Variants in SASH1 observed in about 807,000 individuals in gnomAD.
SASH1 encodes SAM and SH3 domain containing 1, also known as SAM and SH3 domain-containing protein 1.
Under a neutral mutation model 125.2 loss-of-function variants are expected in SASH1, and 44 were observed. The observed-to-expected ratio is 0.35, with a 90% CI of 0.28 to 0.45. SASH1 has a LOEUF of 0.45. SASH1 is among the 20% of genes least tolerant of loss of function. The probability of loss-of-function intolerance (pLI) is 1.00; values close to 1 mark genes in which losing one functional copy is unlikely to be tolerated. For missense variants in SASH1, 1,426 were observed against 1,614.5 expected, an observed-to-expected ratio of 0.88 and a Z score of 2.00; for synonymous variants, 639 against 649.1, an observed-to-expected ratio of 0.98 and a Z score of 0.24.
At chr6:148,419,850 C>T (rs1784982137) in intron 2 of SASH1, among the ~76,000 whole-genome samples, 1 of 152,092 alleles carries the variant, frequency 6.6e-6, no homozygotes. Flanking sequence ...AATTAACACC[C>T]TGGTGGTATT....
intron 5 of SASH1, 23 bp from the exon 6 acceptor site, chr6:148,471,386 CTTTTTTTT>C (rs35487674): frequency 3.9e-4 from 195 of 503,302 alleles, no homozygotes; most frequent in African/African-American, 8.4e-4. Context: ...GCTTTTTGTT[CTTTTTTTT>C]TTTTTTTTTT....
chr6:148,438,859 C>G (rs1231807658), intron 2 of SASH1, among the ~76,000 whole-genome samples: 1 of 152,080 alleles, frequency 6.6e-6, no homozygotes, highest in Non-Finnish European at 1.5e-5. Flanking sequence ...GCAACAGATT[C>G]CCAGAACACT....
At chr6:148,366,146 A>G (rs1031636036) in intron 1 of SASH1, among the ~76,000 whole-genome samples, 2 of 151,950 alleles carry the variant, frequency 1.3e-5, no homozygotes, top group Non-Finnish European at 1.5e-5. Flanking sequence ...TTAGCCAGGC[A>G]TGGTAGCGCT....
chr6:148,412,915 G>A (rs914315005), intron 2 of SASH1, among the ~76,000 whole-genome samples: 25 of 152,324 alleles, frequency 1.6e-4, no homozygotes, highest in African/African-American at 5.8e-4. Context: ...GCAGCTCAGT[G>A]TATCAGAATA....
chr6:148,250,859 T>G, the SASH1 span, among the ~76,000 whole-genome samples: 1 of 152,160 alleles, frequency 6.6e-6, no homozygotes, highest in Non-Finnish European at 1.5e-5. Flanking sequence ...AAAGCTAAAA[T>G]TTTAAAAAGA....
At chr6:148,373,743 G>A (rs938518828) in intron 1 of SASH1, among the ~76,000 whole-genome samples, 41 of 152,170 alleles carry the variant, frequency 2.7e-4, no homozygotes, top group African/African-American at 9.4e-4. Context: ...GCCAAGGTGG[G>A]GGGGATCACT....
chr6:148,544,317 G>C lies in SASH1; in HGVS notation c.2847G>C (p.Glu949Asp). The C allele has an allele frequency of 6.2e-7, 1 of 1,614,170 alleles. No individual in the cohort carries two copies. The highest frequency in any genetic ancestry group is 1.7e-5 in the Admixed American group (1 of 60,028). Residue 949 changes from glutamate to aspartate, a missense_variant, in exon 18 of 20, where the codon GAG becomes GAC. Transcript: ENST00000367467. This position sits in a 1 kb window ranked among gnomAD's most constrained non-coding sequence, Gnocchi z 6.4. The part of the protein sequence containing the change: ...AKHGLARTPL[E>D]GHRKGHEFEG... ...ACGGTTTAGCAAGGACGCCTCTGGAGGGCCACAGAAAAGGACACGAGTTTG... is the reference window on the plus strand; with the variant it reads ...ACGGTTTAGCAAGGACGCCTCTGGACGGCCACAGAAAAGGACACGAGTTTG...
the SASH1 span, among the ~76,000 whole-genome samples, chr6:148,209,808 C>G: frequency 1.3e-5 from 2 of 152,178 alleles, no homozygotes; most frequent in Admixed American, 6.5e-5. Flanking sequence ...CCTCTCTGAT[C>G]TTTCCCCTGT....
intron 19 of SASH1, among the ~76,000 whole-genome samples, chr6:148,546,676 A>G (rs1044214391): frequency 3.3e-5 from 5 of 152,228 alleles, no homozygotes; most frequent in African/African-American, 1.2e-4. Flanking sequence ...GAGGTAATGC[A>G]TATGTCAAAT....
chr6:148,272,574 C>G (rs950872304), intron 1 of SASH1, among the ~76,000 whole-genome samples: 1 of 152,066 alleles, frequency 6.6e-6, no homozygotes, highest in Non-Finnish European at 1.5e-5. Flanking sequence ...ATTCCTTCAC[C>G]GGGCTTTGCC....
Position 148,374,707 on chromosome 6 carries a change from G to T in SASH1, c.157-15427G>T, listed in dbSNP as rs375994665. 9.9e-5 allele frequency among the ~76,000 whole-genome samples: 15 copies of T among 150,974 alleles called. 1 individual carries two copies. The highest frequency in any genetic ancestry group is 7.9e-4 in the East Asian group (4 of 5,054). On this transcript the variant is annotated intron_variant, in intron 1 of 19. Coordinates refer to ENST00000367467, the MANE Select transcript of SASH1 (RefSeq NM_015278.5). ...TTGAGGTTTACAGCATTTTTTTTGGGGGGGGGGGAGATGGAGTCTCACTCT... is the reference window on the plus strand; with the variant it reads ...TTGAGGTTTACAGCATTTTTTTTGGTGGGGGGGGAGATGGAGTCTCACTCT...
chr6:148,398,058 G>T (rs969078734), intron 2 of SASH1, among the ~76,000 whole-genome samples: 1 of 152,130 alleles, frequency 6.6e-6, no homozygotes, highest in East Asian at 1.9e-4. Flanking sequence ...ACCGTGGGGA[G>T]TAACTTCAGG....
At chr6:148,433,081 GATTT>G (rs928223775) in intron 2 of SASH1, among the ~76,000 whole-genome samples, 4 of 152,096 alleles carry the variant, frequency 2.6e-5, no homozygotes, top group African/African-American at 7.2e-5. Context: ...TTTGTTGTTG[GATTT>G]ATTTATTTTT....
At chr6:148,451,385 A>G (rs1251714102) in intron 4 of SASH1, among the ~76,000 whole-genome samples, 3 of 152,218 alleles carry the variant, frequency 2.0e-5, no homozygotes, top group Non-Finnish European at 4.4e-5. Context: ...CCTCTAAATA[A>G]ACATTTGACA....
chr6:148,220,336 A>G, the SASH1 span, among the ~76,000 whole-genome samples: 1 of 152,180 alleles, frequency 6.6e-6, no homozygotes, highest in Non-Finnish European at 1.5e-5. Context: ...GAAGTGCAGA[A>G]GAGCGAAGAG....
intron 1 of SASH1, among the ~76,000 whole-genome samples, chr6:148,372,309 A>G (rs935777188): frequency 8.5e-5 from 13 of 152,222 alleles, no homozygotes; most frequent in African/African-American, 2.9e-4. Context: ...CATATATAAA[A>G]CTAATAAACT....
At chr6:148,217,824 C>T in the SASH1 span, among the ~76,000 whole-genome samples, 1 of 146,256 alleles carries the variant, frequency 6.8e-6, no homozygotes, top group African/African-American at 2.5e-5. Context: ...CCAGCCTGGG[C>T]AACATAGTGA....
the SASH1 span, among the ~76,000 whole-genome samples, chr6:148,225,247 G>A: frequency 6.6e-6 from 1 of 152,160 alleles, no homozygotes; most frequent in African/African-American, 2.4e-5. Flanking sequence ...GTTATGGACA[G>A]AGTTACACTT....
intron 1 of SASH1, among the ~76,000 whole-genome samples, chr6:148,382,289 T>C (rs904642331): frequency 6.6e-6 from 1 of 152,106 alleles, no homozygotes; most frequent in Non-Finnish European, 1.5e-5. Flanking sequence ...CGGCCATGTG[T>C]GCAGGTCCAT....
Sources: gnomAD v4.1 joint callset for allele counts (sites outside exome capture counted in the v4.1 genomes callset) on GRCh38, gnomAD v4.1.1 for gene constraint, Gnocchi (gnomAD v3.1) non-coding constraint, MANE v1.5 for transcripts, NCBI Gene and HGNC (gene_info 2026-07-23, HGNC 2026-07-21) for gene names.